Variants in PTGER3 observed in about 807,000 individuals in gnomAD.
The protein encoded by PTGER3 is prostaglandin E2 receptor EP3 subtype.
A neutral mutation model predicts 34.7 loss-of-function variants in PTGER3; 22 were observed. That is an observed-to-expected ratio of 0.63 (90% confidence interval 0.45 to 0.91). PTGER3 has a LOEUF of 0.91. Ranked by LOEUF, PTGER3 falls within the 40% of genes least tolerant of loss-of-function variation. PTGER3 has a pLI of 0.00. For synonymous variants in PTGER3, 241 were observed against 230.1 expected, an observed-to-expected ratio of 1.05 and a Z score of -0.43; for missense variants, 468 against 519.4, an observed-to-expected ratio of 0.90 and a Z score of 0.96.
chr1:71,010,871 A>C, intron 2 of PTGER3: 1 of 985,148 alleles, frequency 1.0e-6, no homozygotes, highest in Non-Finnish European at 1.2e-6. Context: ...ACCTATCAAA[A>C]TTAATTCTTT....
At chr1:71,029,400 C>T (rs1266404564) in intron 1 of PTGER3, among the ~76,000 whole-genome samples, 1 of 152,200 alleles carries the variant, frequency 6.6e-6, no homozygotes, top group African/African-American at 2.4e-5. Flanking sequence ...AAGAAAGTTA[C>T]TTTACATCTC....
intron 4 of PTGER3, among the ~76,000 whole-genome samples, chr1:70,907,045 G>T (rs1046559820): frequency 4.6e-5 from 7 of 152,202 alleles, no homozygotes; most frequent in African/African-American, 1.7e-4. Context: ...TTAGCAAGTT[G>T]TATTAGATTA....
intron 2 of PTGER3, among the ~76,000 whole-genome samples, chr1:70,979,440 T>C (rs1315047932): frequency 1.3e-5 from 2 of 152,124 alleles, no homozygotes; most frequent in African/African-American, 4.8e-5. Context: ...ATTGTTATTC[T>C]GTACAGAGAA....
At chr1:70,949,452 A>G (rs651265), downstream of PTGER3, among the ~76,000 whole-genome samples, 132,248 of 152,128 alleles carry the variant, frequency 0.87, 57,609 homozygotes, top group Middle Eastern at 0.95. Flanking sequence ...AGGAGTAGCA[A>G]GTTTAGCCTT....
intron 4 of PTGER3, among the ~76,000 whole-genome samples, chr1:70,863,905 GA>G (rs1645984972): frequency 6.6e-6 from 1 of 152,114 alleles, no homozygotes; most frequent in African/African-American, 2.4e-5. Flanking sequence ...ATTGGGACAT[GA>G]AAAACAACTC....
intron 4 of PTGER3, among the ~76,000 whole-genome samples, chr1:70,875,959 A>G (rs1646263504): frequency 6.6e-6 from 1 of 152,190 alleles, no homozygotes. Context: ...ATACTCAATA[A>G]TGGGATTGCT....
intron 4 of PTGER3, among the ~76,000 whole-genome samples, chr1:70,913,381 T>C (rs1263817421): frequency 6.6e-6 from 1 of 152,124 alleles, no homozygotes; most frequent in East Asian, 1.9e-4. Context: ...TGGTTAGTTC[T>C]AGCAGGTTTT....
chr1:70,933,656 C>CTTT, intron 4 of PTGER3, among the ~76,000 whole-genome samples: 1 of 152,102 alleles, frequency 6.6e-6, no homozygotes, highest in South Asian at 2.1e-4. Context: ...AAGCAGAAGA[C>CTTT]CCTTTTCTTT....
At chr1:70,897,377 G>A (rs1291963049) in intron 4 of PTGER3, among the ~76,000 whole-genome samples, 2 of 152,136 alleles carry the variant, frequency 1.3e-5, no homozygotes, top group Non-Finnish European at 2.9e-5. Flanking sequence ...ATCAATCCCT[G>A]CTGTCACCAA....
At chr1:70,996,678 T>TATTTATTTATTTATTG (rs1557725083) in intron 2 of PTGER3, among the ~76,000 whole-genome samples, 2 of 149,650 alleles carry the variant, frequency 1.3e-5, no homozygotes, top group Non-Finnish European at 3.0e-5. Context: ...TTTATTTATT[T>TATTTATTTATTTATTG]ATTGAGACGG....
intron 4 of PTGER3, among the ~76,000 whole-genome samples, chr1:70,926,523 T>C (rs929318039): frequency 6.6e-6 from 1 of 152,174 alleles, no homozygotes; most frequent in African/African-American, 2.4e-5. Context: ...TTTTTGTACA[T>C]TGATTTTGTA....
rs147942321 is a variant in PTGER3, at chr1:71,012,446, A to G, written c.936T>C (p.Val312=). ...TCTCCGTGTGTGTCTTGCAGTGCTC[A>G]ACTGATGTCTGATTGAAGATCATTT... ...MLKMIFNQTS[V]EHCKTHTEKQ... Residue 312 remains valine, a synonymous_variant, in exon 2 of 4, where the codon GTT becomes GTC. Coordinates refer to ENST00000306666, the MANE Select transcript of PTGER3 (RefSeq NM_198719.2). 1.7e-4 allele frequency: 276 copies of G among 1,613,534 alleles called. No homozygotes were observed. Among genetic ancestry groups the G allele is most frequent in the Non-Finnish European group, 2.3e-4 (270 of 1,179,794 alleles).
At chr1:70,980,511 C>T (rs180850902) in intron 2 of PTGER3, among the ~76,000 whole-genome samples, 2 of 152,104 alleles carry the variant, frequency 1.3e-5, no homozygotes, top group East Asian at 3.9e-4. Context: ...TGTCTGTAAT[C>T]CCAGTGCTTT....
intron 2 of PTGER3, among the ~76,000 whole-genome samples, chr1:70,976,132 A>G (rs1653673439): frequency 6.6e-6 from 1 of 152,078 alleles, no homozygotes; most frequent in African/African-American, 2.4e-5. Flanking sequence ...AAAAAAACCT[A>G]AAGTAAGAGG....
chr1:70,872,029 C>T (rs967401324), intron 4 of PTGER3, among the ~76,000 whole-genome samples: 2 of 152,120 alleles, frequency 1.3e-5, no homozygotes, highest in Non-Finnish European at 2.9e-5. Flanking sequence ...TAGCTTTGGC[C>T]TCAAACACGA....
intron 2 of PTGER3, among the ~76,000 whole-genome samples, chr1:70,977,412 A>C (rs1653813026): frequency 6.6e-6 from 1 of 152,010 alleles, no homozygotes. Flanking sequence ...ACCCAGCTGT[A>C]CCACAGGGTT....
chr1:70,938,180 A>T (rs547357078), intron 4 of PTGER3, among the ~76,000 whole-genome samples: 1 of 152,324 alleles, frequency 6.6e-6, no homozygotes, highest in South Asian at 2.1e-4. Context: ...AAATAAAAAT[A>T]GAAAATCAGA....
intron 4 of PTGER3, among the ~76,000 whole-genome samples, chr1:70,913,672 G>A (rs539147733): frequency 8.5e-4 from 129 of 151,928 alleles, no homozygotes; most frequent in South Asian, 2.1e-3. Context: ...CCAGTTTGCC[G>A]AGAGATTTTA....
intron 4 of PTGER3, among the ~76,000 whole-genome samples, chr1:70,855,539 G>A (rs780038870): frequency 3.3e-5 from 5 of 151,996 alleles, no homozygotes; most frequent in East Asian, 1.9e-4. Context: ...TTCTGTGAAC[G>A]CGACAAAATA....
Sources: allele counts gnomAD v4.1 joint callset (sites outside exome capture counted in the v4.1 genomes callset), GRCh38; gene constraint gnomAD v4.1.1; transcripts MANE v1.5; gene names NCBI Gene and HGNC (gene_info 2026-07-23, HGNC 2026-07-21).